The following PAPPA variants were observed in gnomAD, a reference collection of about 807,000 sequenced individuals.
The protein encoded by PAPPA is pappalysin 1, also known as pappalysin-1.
Under a neutral mutation model 164.0 loss-of-function variants are expected in PAPPA, and 60 were observed. The observed-to-expected ratio is 0.37, with a 90% confidence interval of 0.30 to 0.45. The LOEUF (loss-of-function observed/expected upper bound fraction) is 0.45. Among genes scored for constraint, PAPPA ranks in the 20% least tolerant of loss-of-function variants. PAPPA has a pLI of 1.00. For missense variants in PAPPA, 1,782 were observed against 2,087.3 expected (o/e 0.85, Z 2.85); for synonymous variants, 875 against 814.1 (o/e 1.07, Z -1.27).
intron 10 of PAPPA, among the ~76,000 whole-genome samples, chr9:116,308,697 C>A (rs1845677785): frequency 6.6e-6 from 1 of 152,206 alleles, no homozygotes; most frequent in African/African-American, 2.4e-5. Flanking sequence ...ATTTAAGGAA[C>A]ACCGGGAAAG....
chr9:116,239,235 A>T (rs910049019), intron 7 of PAPPA, among the ~76,000 whole-genome samples: 2 of 152,206 alleles, frequency 1.3e-5, no homozygotes, highest in Non-Finnish European at 2.9e-5. Flanking sequence ...CAGGACCAGA[A>T]AGAAATGTGG....
chr9:116,245,108 G>A (rs113923441), intron 7 of PAPPA, among the ~76,000 whole-genome samples: 1,808 of 150,944 alleles, frequency 0.012, 44 homozygotes, highest in African/African-American at 0.043. Flanking sequence ...TAAATAATGT[G>A]TACACATAGA....
At chr9:116,191,311 A>G (rs1057379084) in intron 2 of PAPPA, among the ~76,000 whole-genome samples, 82 of 152,296 alleles carry the variant, frequency 5.4e-4, no homozygotes, top group African/African-American at 1.9e-3. Context: ...GAAGCATGCA[A>G]GTCAGTACTG....
chr9:116,356,546 A>C (rs1366266900), intron 17 of PAPPA, among the ~76,000 whole-genome samples: 1 of 152,168 alleles, frequency 6.6e-6, no homozygotes, highest in Non-Finnish European at 1.5e-5. Context: ...AGCTCTAAAA[A>C]CTGAGAAGTT....
intron 7 of PAPPA, among the ~76,000 whole-genome samples, chr9:116,250,067 CAA>C (rs1844843026): frequency 6.6e-6 from 1 of 150,772 alleles, no homozygotes; most frequent in South Asian, 2.1e-4. Context: ...AGCAGGCAAA[CAA>C]AGACCTGTGA....
intron 1 of PAPPA, among the ~76,000 whole-genome samples, chr9:116,185,112 C>G (rs1483829151): frequency 6.6e-6 from 1 of 152,170 alleles, no homozygotes; most frequent in African/African-American, 2.4e-5. Context: ...ATTGGGAAAT[C>G]TAGAATAAAG....
At chr9:116,260,096 T>A (rs1312662586) in intron 7 of PAPPA, among the ~76,000 whole-genome samples, 2 of 152,166 alleles carry the variant, frequency 1.3e-5, no homozygotes, top group African/African-American at 4.8e-5. Context: ...GAAACATCTA[T>A]GAAATTTAAA....
intron 9 of PAPPA, among the ~76,000 whole-genome samples, chr9:116,277,478 C>T (rs375711974): frequency 6.6e-6 from 1 of 151,996 alleles, no homozygotes; most frequent in Non-Finnish European, 1.5e-5. Context: ...GGGTGGAAAG[C>T]CTGTCCCTGA....
chr9:116,249,018 A>T (rs1844829408), intron 7 of PAPPA, among the ~76,000 whole-genome samples: 2 of 151,494 alleles, frequency 1.3e-5, no homozygotes, highest in Admixed American at 1.3e-4. Context: ...TTGGGCCAGA[A>T]GGTGTAATTC....
chr9:116,307,666 A>C (rs1016327981), intron 10 of PAPPA, among the ~76,000 whole-genome samples: 6 of 152,180 alleles, frequency 3.9e-5, no homozygotes, highest in Middle Eastern at 3.2e-3. Flanking sequence ...TTTATACATT[A>C]ATTTATTTAT....
At chr9:116,215,234 C>A (rs1377412882) in intron 4 of PAPPA, among the ~76,000 whole-genome samples, 1 of 152,154 alleles carries the variant, frequency 6.6e-6, no homozygotes, top group African/African-American at 2.4e-5. Flanking sequence ...CGGCAGTTTA[C>A]TTCTCCTCTC....
chr9:116,318,769 T>A (rs1274257822), intron 10 of PAPPA: 1 of 152,032 alleles, frequency 6.6e-6, no homozygotes, highest in Non-Finnish European at 1.5e-5. Context: ...TAATAATAAT[T>A]AAAACAAACA....
At chr9:116,254,505 G>A (rs531012150) in intron 7 of PAPPA, among the ~76,000 whole-genome samples, 4 of 152,208 alleles carry the variant, frequency 2.6e-5, no homozygotes, top group Non-Finnish European at 4.4e-5. Context: ...TGAAAGGGCC[G>A]GGCGCGGTGG....
Position 116,396,573 on chromosome 9 carries a change from A to C in PAPPA, c.4841A>C (p.Gln1614Pro). The change falls in exon 22 of 22, where the codon CAA becomes CCA. Residue 1614 changes from glutamine to proline, a missense_variant. This residue lies in a region of PAPPA where 1,324 missense variants were observed against 1,656.9 expected (regional missense o/e 0.80). Coordinates refer to ENST00000328252, the MANE Select transcript of PAPPA (RefSeq NM_002581.5). ...TGTGCTTGTCGGGACCCCCAGGCCCAAGAACACAGCCGGAAAGACCTCCGG... is the reference window on the plus strand; with the variant it reads ...TGTGCTTGTCGGGACCCCCAGGCCCCAGAACACAGCCGGAAAGACCTCCGG... ...GDCACRDPQA[Q>P]EHSRKDLRGY... is the part of the protein sequence containing the mutation. The C allele has an allele frequency of 1.3e-6, 1 of 780,884 alleles. No homozygotes were observed. 48.4% of individuals were successfully genotyped at this position (780,884 alleles called of 1,614,324 possible). A position where few individuals can be genotyped will look rare whatever the true frequency, so the allele number is the denominator to read the frequency against.
chr9:116,219,810 G>A, intron 4 of PAPPA, 127 bp from the exon 5 acceptor site: 1 of 681,834 alleles, frequency 1.5e-6, no homozygotes, highest in Non-Finnish European at 2.5e-6. Context: ...GCTGGAAGAG[G>A]CCAGCCCTGA....
chr9:116,225,701 C>T (rs866479990), intron 5 of PAPPA, among the ~76,000 whole-genome samples: 4 of 152,152 alleles, frequency 2.6e-5, no homozygotes, highest in Non-Finnish European at 5.9e-5. Flanking sequence ...TTTCCACCTA[C>T]ATATGGTTTC....
At chr9:116,201,691 T>G (rs80003509) in intron 2 of PAPPA, among the ~76,000 whole-genome samples, 2,695 of 152,312 alleles carry the variant, frequency 0.018, 68 homozygotes, top group East Asian at 0.11. Context: ...CCATTTCACA[T>G]GTGAGGAAAT....
chr9:116,352,723 A>G lies in PAPPA; in HGVS notation c.3982A>G (p.Thr1328Ala), dbSNP rs1327549208. The G allele has an allele frequency of 1.2e-6, 2 of 1,612,730 alleles. No individual in the cohort carries two copies. The highest frequency in any genetic ancestry group is 2.7e-5 in the African/African-American group (2 of 74,980). Residue 1328 changes from threonine (T) to alanine (A), a missense_variant, in exon 16 of 22, where the codon ACC becomes GCC. Physicochemically the swap from Thr to Ala is moderately conservative, Grantham distance 58. Around this residue, in one of 2 missense-constraint regions of PAPPA, gnomAD observed 1,324 missense variants for 1,656.9 expected, o/e 0.80. Coordinates refer to ENST00000328252, the MANE Select transcript of PAPPA (RefSeq NM_002581.5). ...AQLKGNNSLLTCMEDGLWSFP... is the reference protein window; with the variant it reads ...AQLKGNNSLLACMEDGLWSFP... ...TCTTCCAGGCAACAACAGCCTCCTG[A>G]CCTGCATGGAGGATGGGCTGTGGTC...
chr9:116,235,712 C>A, intron 7 of PAPPA, 75 bp downstream of exon 7: 1 of 1,420,452 alleles, frequency 7.0e-7, no homozygotes, highest in Non-Finnish European at 9.9e-7. Flanking sequence ...TCAGAGAGGC[C>A]TGGACAGGGG....
Sources: gnomAD v4.1 joint callset for allele counts (sites outside exome capture counted in the v4.1 genomes callset) on GRCh38, gnomAD v4.1.1 for gene constraint, gnomAD v4.1.1 regional missense constraint, MANE v1.5 for transcripts, NCBI Gene and HGNC (gene_info 2026-07-23, HGNC 2026-07-21) for gene names.